TBC1D8: variants seen among roughly 807,000 people sequenced by gnomAD.
TBC1D8 encodes the protein BUB2-like protein 1.
TBC1D8 carries 65 observed loss-of-function variants against 118.8 expected under a neutral mutation model. That is an observed-to-expected ratio of 0.55 (90% CI 0.45 to 0.67). The LOEUF (loss-of-function observed/expected upper bound fraction) is 0.67. Among genes scored for constraint, TBC1D8 ranks in the 30% least tolerant of loss-of-function variants. The pLI is 0.00. For missense variants in TBC1D8, 1,376 were observed against 1,471.2 expected, an observed-to-expected ratio of 0.94 and a Z score of 1.06; for synonymous variants, 566 against 595.8, an observed-to-expected ratio of 0.95 and a Z score of 0.73.
chr2:101,041,662 A>G (rs1465096268), intron 5 of TBC1D8, among the ~76,000 whole-genome samples: 1 of 152,144 alleles, frequency 6.6e-6, no homozygotes, highest in African/African-American at 2.4e-5. Flanking sequence ...AAAACCACTG[A>G]ATGGTACACT....
At chr2:101,050,975 T>C (rs1682034941) in intron 4 of TBC1D8, among the ~76,000 whole-genome samples, 1 of 152,200 alleles carries the variant, frequency 6.6e-6, no homozygotes, top group African/African-American at 2.4e-5. Flanking sequence ...TGGGTTCTCA[T>C]CATTTAGCTC....
intron 1 of TBC1D8, among the ~76,000 whole-genome samples, chr2:101,122,228 T>C (rs1241612092): frequency 6.6e-6 from 1 of 150,934 alleles, no homozygotes. Flanking sequence ...TGCGCCACCA[T>C]ACCCAGCTAA....
intron 17 of TBC1D8, chr2:101,017,776 A>T: frequency 6.7e-7 from 1 of 1,484,884 alleles, no homozygotes. Flanking sequence ...ATGTTACCAA[A>T]ATCTTGACAA....
intron 2 of TBC1D8, among the ~76,000 whole-genome samples, chr2:101,071,277 G>A (rs1381540451): frequency 1.3e-5 from 2 of 152,060 alleles, no homozygotes; most frequent in Admixed American, 6.6e-5. Flanking sequence ...CCCGGGAGGC[G>A]GAGCTTGCAG....
intron 1 of TBC1D8, among the ~76,000 whole-genome samples, chr2:101,105,057 AAC>A (rs1677111936): frequency 6.6e-6 from 1 of 151,864 alleles, no homozygotes; most frequent in Admixed American, 6.6e-5. Context: ...TCTACAACAT[AAC>A]ACAGGAGAAG....
intron 9 of TBC1D8, among the ~76,000 whole-genome samples, chr2:101,035,558 C>A (rs1011344462): frequency 6.6e-6 from 1 of 152,194 alleles, no homozygotes; most frequent in Non-Finnish European, 1.5e-5. Context: ...ACTTTTGCCT[C>A]TGGTGCCCGC....
In TBC1D8 at chr2:101,054,206, T is replaced by C. The variant is rs2105416589; in HGVS notation, c.533A>G (p.Tyr178Cys). 6.2e-7 allele frequency: 1 copy of C among 1,611,870 alleles called. No homozygotes were observed. The highest frequency in any genetic ancestry group is 2.2e-5 in the East Asian group (1 of 44,804). ...CCTGCCCTTCCAACAGCAGCAGGAG[T>C]AGTAGGTGACCAGCTTCTCCGCCTC... ...FPEAEKLVTY[Y>C]SCCCWKGRVP... Residue 178 changes from tyrosine (Y) to cysteine (C), a missense_variant, in exon 4 of 20, where the codon TAC becomes TGC. Coordinates refer to ENST00000409318, the MANE Select transcript of TBC1D8 (RefSeq NM_001330348.2).
chr2:101,021,720 C>T lies in TBC1D8; in HGVS notation c.2788G>A (p.Glu930Lys), dbSNP rs1680039875. 3 of 1,595,962 alleles carry T rather than the reference C, an allele frequency of 1.9e-6. No individual in the cohort carries two copies. The highest frequency in any genetic ancestry group is 2.7e-5 in the African/African-American group (2 of 74,732). The change falls in exon 17 of 20, where the codon GAG (glutamate) becomes AAG (lysine). Residue 930 changes from glutamate to lysine, a missense_variant. Transcript: ENST00000409318. ...LDIMYNGEMN[E>K]KIKLLYRLHI... ...AGCCTGTATAATAGTTTAATCTTCT[C>T]ATTCATTTCTCCATTATACATAATA...
In TBC1D8 at chr2:101,011,510, G is replaced by T; in HGVS notation, c.2858C>A (p.Ser953Ter). The T allele has an allele frequency of 6.2e-7, 1 of 1,613,920 alleles. No homozygotes were observed. Among genetic ancestry groups the T allele is most frequent in the South Asian group, 1.1e-5 (1 of 91,060 alleles). ...TGACAACAGAGGATTCCTCAACGGC[G>T]ACTGGCTGTCTCGGTCATTTTCAGT... ...ALTENDRDSQSPLRNPLLSTS... is the reference protein window; with the variant it reads ...ALTENDRDSQ The change falls in exon 18 of 20, where the codon TCG becomes TAG. Residue 953 changes from serine to a stop codon, truncating the protein, a stop_gained. Coordinates refer to ENST00000409318, the MANE Select transcript of TBC1D8 (RefSeq NM_001330348.2). LOFTEE classifies it high-confidence loss of function.
chr2:101,045,655 T>C (rs542226463), intron 5 of TBC1D8, among the ~76,000 whole-genome samples: 30 of 152,280 alleles, frequency 2.0e-4, no homozygotes, highest in African/African-American at 7.0e-4. Context: ...GTTTGCCTCA[T>C]AAAGGAGCAC....
chr2:101,009,978 C>T (rs1346420134), intron 19 of TBC1D8, among the ~76,000 whole-genome samples: 2 of 151,716 alleles, frequency 1.3e-5, no homozygotes, highest in African/African-American at 4.8e-5. Flanking sequence ...CCCGCCACCA[C>T]GTCCAGCTAA....
intron 2 of TBC1D8, among the ~76,000 whole-genome samples, chr2:101,066,790 C>A (rs1269552271): frequency 6.6e-6 from 1 of 151,908 alleles, no homozygotes; most frequent in Non-Finnish European, 1.5e-5. Context: ...ATTAAAAATA[C>A]GAAAGTTAGC....
chr2:101,123,479 C>A lies in TBC1D8; in HGVS notation c.127+27648G>T, dbSNP rs573343623. Among the ~76,000 whole-genome samples, 3 of 152,186 alleles carry A rather than the reference C, an allele frequency of 2.0e-5. No individual in the cohort carries two copies. The South Asian group carries it at 6.2e-4, about 32-fold the overall frequency. The stretch of plus-strand genomic sequence containing the variant: ...CCACAAAAATATTGTGGAGCCACTG[C>A]CCCAAGATGCAACTTCTCAAGCACG... On this transcript the variant is annotated intron_variant, in intron 1 of 19. Coordinates refer to ENST00000409318, the MANE Select transcript of TBC1D8 (RefSeq NM_001330348.2).
At chr2:101,106,056 C>T (rs889948427) in intron 1 of TBC1D8, among the ~76,000 whole-genome samples, 2 of 151,820 alleles carry the variant, frequency 1.3e-5, no homozygotes, top group African/African-American at 4.8e-5. Flanking sequence ...AAAAATCTAT[C>T]GAGCCATGAC....
chr2:101,099,522 C>T (rs910741085), intron 1 of TBC1D8, among the ~76,000 whole-genome samples: 1 of 152,196 alleles, frequency 6.6e-6, no homozygotes, highest in African/African-American at 2.4e-5. Flanking sequence ...AAGCCAGCAT[C>T]ATCCTGATAC....
At chr2:101,066,773 C>T (rs1683036555) in intron 2 of TBC1D8, among the ~76,000 whole-genome samples, 1 of 151,878 alleles carries the variant, frequency 6.6e-6, no homozygotes, top group Admixed American at 6.6e-5. Context: ...GGCGAAACCC[C>T]GTCTCTATTA....
chr2:101,126,369 C>T lies in TBC1D8; in HGVS notation c.127+24758G>A, dbSNP rs540802108. 1.2e-4 allele frequency among the ~76,000 whole-genome samples: 19 copies of T among 152,294 alleles called. No individual in the cohort carries two copies. In the East Asian group the frequency reaches 3.1e-3, roughly 25 times the overall value. ...TTGGTGGGGCCACACAAACCATATC[C>T]GAACCATAGCAAATGTCTTGAAGGT... On this transcript the variant is annotated intron_variant, in intron 1 of 19. Coordinates refer to ENST00000409318, the MANE Select transcript of TBC1D8 (RefSeq NM_001330348.2).
chr2:101,008,367 CAG>C, intron 19 of TBC1D8, 94 bp from the exon 20 acceptor site: 1 of 1,015,872 alleles, frequency 9.8e-7, no homozygotes, highest in Non-Finnish European at 1.4e-6. Context: ...GAAAACGACA[CAG>C]TATTTTTGAA....
At chr2:101,014,374 T>G (rs1679457963) in intron 17 of TBC1D8, among the ~76,000 whole-genome samples, 1 of 152,216 alleles carries the variant, frequency 6.6e-6, no homozygotes, top group Non-Finnish European at 1.5e-5. Flanking sequence ...ATATCAGGAC[T>G]GCTTAACTGT....
Sources: gnomAD v4.1 joint callset for allele counts (sites outside exome capture counted in the v4.1 genomes callset) on GRCh38, gnomAD v4.1.1 for gene constraint, MANE v1.5 for transcripts, NCBI Gene and HGNC (gene_info 2026-07-23, HGNC 2026-07-21) for gene names.